Variants in OR56A3 observed in about 807,000 individuals in gnomAD.
The protein encoded by OR56A3 is olfactory receptor 56A3.
Under a neutral mutation model 17.5 loss-of-function variants are expected in OR56A3, and 23 were observed. The observed-to-expected ratio is 1.32, with a 90% CI of 0.95 to 1.87. The LOEUF is 1.87. Among genes scored for constraint, OR56A3 ranks in the 40% most tolerant of loss-of-function variants. The pLI is 0.00. For synonymous variants in OR56A3, 175 were observed against 150.6 expected (o/e 1.16, Z -1.19); for missense variants, 366 against 380.1 (o/e 0.96, Z 0.31).
intron 2 of OR56A3, among the ~76,000 whole-genome samples, chr11:5,945,583 A>AAAG (rs1232950659): frequency 3.3e-5 from 3 of 90,114 alleles, no homozygotes; most frequent in South Asian, 6.1e-4. Flanking sequence ...CCCATATAAA[A>AAAG]AAAAAAAAAA....
At chr11:5,972,036 GCTTTTTCTCTCATTAACACTGGAA>G in the OR56A3 span, among the ~76,000 whole-genome samples, 2 of 152,178 alleles carry the variant, frequency 1.3e-5, no homozygotes, top group African/African-American at 4.8e-5. Flanking sequence ...ATGAGAGGAA[GCTTTTTCTCTCATTAACACTGGAA>G]CTTGTTGGGA....
chr11:5,982,478 G>A, the OR56A3 span, among the ~76,000 whole-genome samples: 5 of 152,178 alleles, frequency 3.3e-5, no homozygotes, highest in Non-Finnish European at 7.3e-5. Flanking sequence ...GAAGCTCCCT[G>A]GTTTGGCAAC....
chr11:5,947,952 C>G lies in OR56A3; in HGVS notation c.606C>G (p.Tyr202Ter). 1.2e-6 allele frequency: 2 copies of G among 1,614,194 alleles called. No individual in the cohort carries two copies. Among genetic ancestry groups the G allele is most frequent in the Non-Finnish European group, 1.7e-6 (2 of 1,180,024 alleles). ...ATGATGTCACCATCAATCACCTTTA[C>G]CAATTTGCTGGAGGCTGGACTCTGC... is the stretch of plus-strand genomic sequence containing the variant. ...SCDDVTINHL[Y>*]QFAGGWTLLG... is the part of the protein sequence containing the mutation. Residue 202 changes from tyrosine to a stop codon, truncating the protein, a stop_gained, in exon 3 of 3, where the codon TAC (tyrosine) becomes TAG (stop). Coordinates refer to ENST00000641160, the MANE Select transcript of OR56A3 (RefSeq NM_001003443.3). LOFTEE classifies it high-confidence loss of function.
the OR56A3 span, among the ~76,000 whole-genome samples, chr11:5,997,103 T>A: frequency 2.0e-5 from 3 of 152,206 alleles, no homozygotes; most frequent in African/African-American, 7.2e-5. Flanking sequence ...TAGACAAGAA[T>A]GAACGAATTC....
the OR56A3 span, chr11:6,020,999 G>A: frequency 6.6e-6 from 1 of 152,076 alleles, no homozygotes; most frequent in Admixed American, 6.6e-5. Flanking sequence ...CTGAGAAAAA[G>A]TTAGATGATG....
chr11:5,975,818 T>C, the OR56A3 span, among the ~76,000 whole-genome samples: 40,204 of 151,636 alleles, frequency 0.27, 5,357 homozygotes, highest in African/African-American at 0.27. Context: ...GTTTACAGTC[T>C]CACCAACAGT....
chr11:5,986,611 G>A, the OR56A3 span: 139 of 1,613,800 alleles, frequency 8.6e-5, 1 homozygote, highest in African/African-American at 1.5e-3. Flanking sequence ...AATCTCGTGG[G>A]CATGAACCAG....
chr11:5,994,996 T>C, the OR56A3 span: 1 of 673,352 alleles, frequency 1.5e-6, no homozygotes. Flanking sequence ...CCAAGCCACC[T>C]GGAAGCTGGT....
At chr11:5,976,461 T>C in the OR56A3 span, among the ~76,000 whole-genome samples, 1 of 152,216 alleles carries the variant, frequency 6.6e-6, no homozygotes, top group Admixed American at 6.5e-5. Flanking sequence ...TCCTAAAATC[T>C]ATAAATAAAT....
chr11:5,966,834 A>G, the OR56A3 span, among the ~76,000 whole-genome samples: 3 of 151,910 alleles, frequency 2.0e-5, no homozygotes, highest in Non-Finnish European at 2.9e-5. Flanking sequence ...GTAGGATAGT[A>G]TGAAGTCAGA....
At chr11:5,991,230 G>A in the OR56A3 span, among the ~76,000 whole-genome samples, 10 of 152,214 alleles carry the variant, frequency 6.6e-5, no homozygotes, top group Non-Finnish European at 1.5e-4. Flanking sequence ...TACATATGGT[G>A]AGGATGCCAC....
chr11:5,997,551 T>C, the OR56A3 span, among the ~76,000 whole-genome samples: 7 of 152,210 alleles, frequency 4.6e-5, no homozygotes, highest in Non-Finnish European at 1.0e-4. Context: ...AGGCCTATTC[T>C]TCAGGGAGGC....
the OR56A3 span, among the ~76,000 whole-genome samples, chr11:5,958,237 T>C: frequency 1.3e-5 from 2 of 152,112 alleles, no homozygotes; most frequent in Non-Finnish European, 2.9e-5. Context: ...TGTCAACATC[T>C]GATATGAGGC....
rs1039850697 is a variant in OR56A3 at position 5,942,285 on chromosome 11, C to T, written c.-403C>T. 2 of 152,182 alleles carry T rather than the reference C, an allele frequency of 1.3e-5. No homozygotes were observed. Among genetic ancestry groups the T allele is most frequent in the Non-Finnish European group, 2.9e-5 (2 of 68,038 alleles). The allele number at this position is 152,182 out of a possible 1,614,324, so 9.4% of individuals were successfully genotyped here. ...AGAAGACTAGAGAGATCTCTGTCTT[C>T]AGTCCCTATCTGTGCTCTTTTCCAT... On this transcript the variant is annotated 5_prime_UTR_variant, in exon 1 of 3. Coordinates refer to ENST00000641160, the MANE Select transcript of OR56A3 (RefSeq NM_001003443.3).
At chr11:5,997,550 C>G in the OR56A3 span, among the ~76,000 whole-genome samples, 1 of 152,108 alleles carries the variant, frequency 6.6e-6, no homozygotes, top group Non-Finnish European at 1.5e-5. Context: ...TAGGCCTATT[C>G]TTCAGGGAGG....
chr11:6,016,352 T>C, the OR56A3 span, among the ~76,000 whole-genome samples: 54 of 152,182 alleles, frequency 3.5e-4, no homozygotes, highest in African/African-American at 1.3e-3. Flanking sequence ...AATTACGCAG[T>C]CTTAGGTATT....
chr11:5,982,395 G>T, the OR56A3 span, among the ~76,000 whole-genome samples: 1 of 152,128 alleles, frequency 6.6e-6, no homozygotes, highest in Non-Finnish European at 1.5e-5. Context: ...GCAGGGGTCG[G>T]GGGGCTTCTG....
At chr11:5,967,483 T>C in the OR56A3 span, 4 of 1,116,596 alleles carry the variant, frequency 3.6e-6, no homozygotes, top group Non-Finnish European at 5.0e-6. Flanking sequence ...TTAAATTTTC[T>C]ATGCATCATA....
the OR56A3 span, chr11:6,003,208 A>T: frequency 1.9e-6 from 2 of 1,043,168 alleles, no homozygotes; most frequent in Non-Finnish European, 2.8e-6. Context: ...TATATTCATT[A>T]TCTCATTTCA....
Sources: allele counts gnomAD v4.1 joint callset (sites outside exome capture counted in the v4.1 genomes callset), GRCh38; gene constraint gnomAD v4.1.1; transcripts MANE v1.5; gene names NCBI Gene and HGNC (gene_info 2026-07-23, HGNC 2026-07-21).